The following TBC1D12 variants were observed in gnomAD, a reference collection of about 807,000 sequenced individuals.
TBC1D12 encodes the protein TBC1 domain family member 12.
TBC1D12 carries 56 observed loss-of-function variants against 86.7 expected under a neutral mutation model. The ratio of observed to expected loss-of-function variants is 0.65; its 90% CI spans 0.52 to 0.81. The LOEUF is 0.81. TBC1D12 is among the 30% of genes least tolerant of loss of function. The pLI is 0.00. For missense variants in TBC1D12, 1,023 were observed against 1,038.8 expected (o/e 0.98, Z 0.21); for synonymous variants, 421 against 411.7 (o/e 1.02, Z -0.27).
At chr10:94,421,346 C>A (rs1236894637) in intron 1 of TBC1D12, among the ~76,000 whole-genome samples, 1 of 152,206 alleles carries the variant, frequency 6.6e-6, no homozygotes, top group Non-Finnish European at 1.5e-5. Context: ...CATGTTGTCA[C>A]AAATGACAGA....
chr10:94,465,670 A>ATATATGTGTG (rs1473804309), intron 2 of TBC1D12, among the ~76,000 whole-genome samples: 1 of 137,962 alleles, frequency 7.2e-6, no homozygotes. Context: ...ATATATATAT[A>ATATATGTGTG]TGTGTGTGTG....
chr10:94,423,805 A>G (rs1012142902), intron 1 of TBC1D12, among the ~76,000 whole-genome samples: 2 of 152,156 alleles, frequency 1.3e-5, no homozygotes, highest in Admixed American at 1.3e-4. Context: ...CTACAAAAAT[A>G]GCCACTCTGG....
chr10:94,517,653 T>A (rs1433228713), intron 9 of TBC1D12, among the ~76,000 whole-genome samples: 1 of 152,202 alleles, frequency 6.6e-6, no homozygotes, highest in East Asian at 1.9e-4. Context: ...AACCAGTCAG[T>A]CAAATCACAC....
At chr10:94,453,783 T>C (rs1268284646) in intron 2 of TBC1D12, among the ~76,000 whole-genome samples, 1 of 152,242 alleles carries the variant, frequency 6.6e-6, no homozygotes, top group African/African-American at 2.4e-5. Flanking sequence ...TTTGAGTTAA[T>C]TTTTGTGATG....
chr10:94,477,972 C>T, intron 3 of TBC1D12, among the ~76,000 whole-genome samples: 1 of 152,148 alleles, frequency 6.6e-6, no homozygotes, highest in Non-Finnish European at 1.5e-5. Flanking sequence ...AAATCATTTG[C>T]CATGACTTGT....
intron 1 of TBC1D12, among the ~76,000 whole-genome samples, chr10:94,411,015 A>G (rs185445622): frequency 3.3e-5 from 5 of 152,306 alleles, no homozygotes; most frequent in African/African-American, 9.6e-5. Context: ...AGAAAGCTGA[A>G]AAAAAACAGA....
intron 2 of TBC1D12, among the ~76,000 whole-genome samples, chr10:94,459,951 G>A (rs1276032613): frequency 6.6e-6 from 1 of 152,236 alleles, no homozygotes; most frequent in Non-Finnish European, 1.5e-5. Flanking sequence ...CTCCCACAGT[G>A]CAGCAGTGGG....
intron 1 of TBC1D12, among the ~76,000 whole-genome samples, chr10:94,412,321 A>C (rs1346574770): frequency 6.6e-6 from 1 of 152,228 alleles, no homozygotes; most frequent in African/African-American, 2.4e-5. Context: ...TCACCACTGA[A>C]ATCCACTGAT....
At chr10:94,413,738 G>T (rs1474693622) in intron 1 of TBC1D12, among the ~76,000 whole-genome samples, 2 of 144,270 alleles carry the variant, frequency 1.4e-5, no homozygotes, top group African/African-American at 2.5e-5. Flanking sequence ...GGCTTTTCAG[G>T]TTTTTTTTTT....
At chr10:94,430,607 A>G (rs2055202935) in intron 1 of TBC1D12, among the ~76,000 whole-genome samples, 2 of 152,186 alleles carry the variant, frequency 1.3e-5, no homozygotes, top group Non-Finnish European at 2.9e-5. Context: ...TTTGTGTGTG[A>G]TAAAAGAAAT....
intron 11 of TBC1D12, among the ~76,000 whole-genome samples, chr10:94,524,680 A>C (rs1842242182): frequency 6.6e-6 from 1 of 151,070 alleles, no homozygotes. Flanking sequence ...TGGAGGTTGC[A>C]GTGAGTCGAG....
At chr10:94,480,864 C>G (rs1426387711) in intron 3 of TBC1D12, among the ~76,000 whole-genome samples, 1 of 149,762 alleles carries the variant, frequency 6.7e-6, no homozygotes, top group African/African-American at 2.5e-5. Context: ...GCAACAGAGC[C>G]AGACCTTGTC....
intron 3 of TBC1D12, among the ~76,000 whole-genome samples, chr10:94,491,284 C>T (rs1047695862): frequency 4.6e-5 from 7 of 152,142 alleles, no homozygotes; most frequent in African/African-American, 1.7e-4. Context: ...ACCAGATCAA[C>T]TGACTAATTT....
intron 2 of TBC1D12, among the ~76,000 whole-genome samples, chr10:94,473,579 A>G (rs540228050): frequency 6.6e-5 from 10 of 152,220 alleles, no homozygotes; most frequent in Non-Finnish European, 1.2e-4. Context: ...TATTTTCTTC[A>G]TATAAATCAG....
intron 1 of TBC1D12, among the ~76,000 whole-genome samples, chr10:94,429,004 A>G (rs915907419): frequency 2.6e-5 from 4 of 152,048 alleles, no homozygotes; most frequent in Non-Finnish European, 5.9e-5. Context: ...CATGCTCAGC[A>G]GGTTGATTGA....
Position 94,454,725 on chromosome 10 carries a change from A to T in TBC1D12, c.1095+12706A>T, listed in dbSNP as rs566473496. 2.0e-5 allele frequency among the ~76,000 whole-genome samples: 3 copies of T among 152,302 alleles called. No individual in the cohort carries two copies. In the East Asian group the frequency reaches 5.8e-4, roughly 29 times the overall value. The stretch of plus-strand genomic sequence containing the variant: ...GTAAGAAAGTGATTGACTTTTGTAC[A>T]TTAGCCTTCTGTCTTGTAAACTTGC... On this transcript the variant is annotated intron_variant, in intron 2 of 12. Transcript: ENST00000225235.
rs1455290201 is a variant in TBC1D12, at chr10:94,402,854, C to T, written c.241C>T (p.Leu81=). The change falls in exon 1 of 13, where the codon CTG becomes TTG. Residue 81 remains leucine, a synonymous_variant. Transcript: ENST00000225235. Reference sequence around the variant, plus strand: ...TTACCTCGCGGCGGCCGGGGAGCAGCTGGAGCCGGGGCTCTGCTACTGTCC... The same window carrying T: ...TTACCTCGCGGCGGCCGGGGAGCAGTTGGAGCCGGGGCTCTGCTACTGTCC... ...QRYLAAAGEQ[L]EPGLCYCPLP... is the part of the protein sequence containing the mutation. The T allele has an allele frequency of 1.3e-6, 2 of 1,532,862 alleles. No individual in the cohort carries two copies. Among genetic ancestry groups the T allele is most frequent in the East Asian group, 2.5e-5 (1 of 40,266 alleles). The allele number at this position is 1,532,862 out of a possible 1,614,324, so 95.0% of individuals were successfully genotyped here. A position where few individuals can be genotyped will look rare whatever the true frequency, so the allele number is the denominator to read the frequency against.
chr10:94,470,108 G>A (rs2055882562), intron 2 of TBC1D12, among the ~76,000 whole-genome samples: 1 of 152,098 alleles, frequency 6.6e-6, no homozygotes, highest in South Asian at 2.1e-4. Context: ...TTCTCATTAC[G>A]TCTTCAAATC....
rs187036945 is a variant in TBC1D12 at position 94,410,032 on chromosome 10, G to A, written c.971+6448G>A. On this transcript the variant is annotated intron_variant, in intron 1 of 12. Transcript: ENST00000225235. ...AGGTTTTTATTTGGGGAGTGGTTGT[G>A]TTACTTTTAAGTGAAAGTTTTTACT... is the stretch of plus-strand genomic sequence containing the variant. Among the ~76,000 whole-genome samples, 364 of 152,232 alleles carry A rather than the reference G, an allele frequency of 2.4e-3. 3 individuals carry two copies. The highest frequency in any genetic ancestry group is 3.7e-3 in the Non-Finnish European group (251 of 68,004).
Sources: gnomAD v4.1 joint callset for allele counts (sites outside exome capture counted in the v4.1 genomes callset) on GRCh38, gnomAD v4.1.1 for gene constraint, MANE v1.5 for transcripts, NCBI Gene and HGNC (gene_info 2026-07-23, HGNC 2026-07-21) for gene names.